Variants in SORCS2 observed in about 807,000 individuals in gnomAD.
The protein encoded by SORCS2 is sortilin related VPS10 domain containing receptor 2, also known as VPS10 domain-containing receptor SorCS2.
In SORCS2, 100 loss-of-function variants were observed where a neutral mutation model predicts 141.6. That is an observed-to-expected ratio of 0.71 (90% CI 0.60 to 0.83). The LOEUF is 0.83. Ranked by LOEUF, SORCS2 falls within the 40% of genes least tolerant of loss-of-function variation. The probability of loss-of-function intolerance (pLI) is 0.00; values close to 1 mark genes in which losing one functional copy is unlikely to be tolerated. For missense variants in SORCS2, 1,646 were observed against 1,560.2 expected (o/e 1.05, Z -0.93); for synonymous variants, 789 against 676.9 (o/e 1.17, Z -2.57).
At chr4:7,528,948 A>T (rs1408340662) in intron 2 of SORCS2, among the ~76,000 whole-genome samples, 1 of 151,728 alleles carries the variant, frequency 6.6e-6, no homozygotes, top group African/African-American at 2.4e-5. Flanking sequence ...ACATCACCTC[A>T]CTTTGCCTCT....
In SORCS2 at chr4:7,285,043, T is replaced by A. The variant is rs1234172981; in HGVS notation, c.480+91917T>A. ...TCCCATATATATATATATATTTTTT[T>A]TTTTTTGAGATGGAGTTTCACTCTT... On this transcript the variant is annotated intron_variant, in intron 1 of 26. Transcript: ENST00000507866. 2.0e-3 allele frequency among the ~76,000 whole-genome samples: 305 copies of A among 151,142 alleles called. 1 individual carries two copies. The highest frequency in any genetic ancestry group is 3.3e-3 in the Non-Finnish European group (222 of 67,652).
chr4:7,690,750 T>C (rs1724191432), intron 11 of SORCS2, among the ~76,000 whole-genome samples: 1 of 152,166 alleles, frequency 6.6e-6, no homozygotes, highest in African/African-American at 2.4e-5. Context: ...ATGATTTATA[T>C]CATGGTTGAT....
rs542509946 is a variant in SORCS2 at position 7,427,000 on chromosome 4, C to A, written c.548+30645C>A. 7.2e-5 allele frequency among the ~76,000 whole-genome samples: 11 copies of A among 152,246 alleles called. No individual in the cohort carries two copies. The South Asian group carries it at 2.3e-3, about 32-fold the overall frequency. ...GCCATGGAGGCTGGGCCCCTCCCAC[C>A]AAGGAAGGGCTTAGTGGTGGGGGGC... On this transcript the variant is annotated intron_variant, in intron 2 of 26. Coordinates refer to ENST00000507866, the MANE Select transcript of SORCS2 (RefSeq NM_020777.3).
chr4:7,724,941 ATGG>A (rs1727086823), intron 19 of SORCS2, among the ~76,000 whole-genome samples: 2 of 63,938 alleles, frequency 3.1e-5, no homozygotes, highest in African/African-American at 6.0e-5. Flanking sequence ...AGTAGTGGTG[ATGG>A]TGGTGGTGTT....
intron 3 of SORCS2, among the ~76,000 whole-genome samples, chr4:7,577,678 T>C (rs1408634928): frequency 1.0e-3 from 107 of 104,254 alleles, no homozygotes; most frequent in Non-Finnish European, 1.7e-3. Flanking sequence ...AGCATACAGG[T>C]GAGGTCAGCT....
intron 2 of SORCS2, among the ~76,000 whole-genome samples, chr4:7,421,728 C>T (rs1377185947): frequency 6.6e-6 from 1 of 152,158 alleles, no homozygotes; most frequent in East Asian, 1.9e-4. Flanking sequence ...CCCCCGCTGG[C>T]TCTGTGGGAC....
intron 4 of SORCS2, among the ~76,000 whole-genome samples, 196 bp from the exon 5 acceptor site, chr4:7,653,938 G>T (rs988345570): frequency 6.6e-6 from 1 of 152,188 alleles, no homozygotes; most frequent in Non-Finnish European, 1.5e-5. Context: ...CAGCTGGCCC[G>T]GGGACAGGAA....
At chr4:7,491,623 A>G (rs1731319720) in intron 2 of SORCS2, among the ~76,000 whole-genome samples, 1 of 152,214 alleles carries the variant, frequency 6.6e-6, no homozygotes, top group Non-Finnish European at 1.5e-5. Context: ...GACCTCTCTG[A>G]GCTTCTGTGA....
chr4:7,695,272 GTGGATGGATGGATGGATGGT>G (rs1724525824), intron 11 of SORCS2, among the ~76,000 whole-genome samples: 2 of 121,630 alleles, frequency 1.6e-5, no homozygotes, highest in East Asian at 2.6e-4. Context: ...GGATGGGTGG[GTGGATGGATGGATGGATGGT>G]TGGATGGGTG....
At chr4:7,652,811 T>C (rs113778126) in intron 4 of SORCS2, among the ~76,000 whole-genome samples, 29 of 152,270 alleles carry the variant, frequency 1.9e-4, no homozygotes, top group African/African-American at 6.5e-4. Flanking sequence ...CCTCATCTTA[T>C]CCGGCCTTGG....
intron 3 of SORCS2, among the ~76,000 whole-genome samples, chr4:7,633,568 A>G (rs1720035325): frequency 7.3e-6 from 1 of 137,024 alleles, no homozygotes; most frequent in Non-Finnish European, 1.5e-5. Flanking sequence ...GTGGTTTTGC[A>G]ATGTGAAAGA....
chr4:7,434,182 A>G (rs1476788554), intron 2 of SORCS2: 2 of 1,613,768 alleles, frequency 1.2e-6, no homozygotes, highest in African/African-American at 2.7e-5. Context: ...GTCAGCAGGG[A>G]CAAAAAACTG....
Position 7,740,586 on chromosome 4 carries a change from G to A in SORCS2, c.*322G>A, listed in dbSNP as rs1292692473. ...GCCCGAGGCCTGACTTCTCTGGGCT[G>A]AGGCTGGTCGTCCTGGAGCCCTCCC... On this transcript the variant is annotated 3_prime_UTR_variant, in exon 27 of 27. Coordinates refer to ENST00000507866, the MANE Select transcript of SORCS2 (RefSeq NM_020777.3). 2 of 410,616 alleles carry A rather than the reference G, an allele frequency of 4.9e-6. No homozygotes were observed. Among genetic ancestry groups the A allele is most frequent in the African/African-American group, 3.9e-5 (2 of 50,668 alleles). The allele number at this position is 410,616 out of a possible 1,614,324, so 25.4% of individuals were successfully genotyped here. A position where few individuals can be genotyped will look rare whatever the true frequency, so the allele number is the denominator to read the frequency against.
chr4:7,631,816 G>T (rs879369509), intron 3 of SORCS2, among the ~76,000 whole-genome samples: 6 of 151,956 alleles, frequency 3.9e-5, no homozygotes, highest in African/African-American at 1.4e-4. Flanking sequence ...GAAATCCATC[G>T]TGAAAGCCCT....
intron 1 of SORCS2, among the ~76,000 whole-genome samples, chr4:7,198,642 G>GGA (rs1727306577): frequency 6.6e-6 from 1 of 152,150 alleles, no homozygotes; most frequent in Non-Finnish European, 1.5e-5. Context: ...GCGGCCACCT[G>GGA]GAGAGAGACA....
intron 26 of SORCS2, among the ~76,000 whole-genome samples, chr4:7,737,942 C>T (rs1712328239): frequency 1.3e-5 from 2 of 152,232 alleles, no homozygotes; most frequent in African/African-American, 2.4e-5. Context: ...GACACCTGCA[C>T]ATGGTCTCGC....
At chr4:7,724,581 G>A (rs1478078239) in intron 19 of SORCS2, among the ~76,000 whole-genome samples, 4 of 113,352 alleles carry the variant, frequency 3.5e-5, no homozygotes, top group African/African-American at 1.1e-4. Context: ...TGATGGTGAT[G>A]GTGGTGGTGT....
intron 1 of SORCS2, among the ~76,000 whole-genome samples, chr4:7,289,834 C>T (rs554537675): frequency 1.3e-5 from 2 of 152,178 alleles, no homozygotes; most frequent in African/African-American, 4.8e-5. Flanking sequence ...TGCGGCCCTT[C>T]CTCCCGAGAC....
chr4:7,293,285 A>G (rs778239050), intron 1 of SORCS2, among the ~76,000 whole-genome samples: 2 of 151,556 alleles, frequency 1.3e-5, no homozygotes, highest in Non-Finnish European at 2.9e-5. Flanking sequence ...GCCTGGGCGA[A>G]AGAGCAAGAC....
Sources: gnomAD v4.1 joint callset for allele counts (sites outside exome capture counted in the v4.1 genomes callset) on GRCh38, gnomAD v4.1.1 for gene constraint, MANE v1.5 for transcripts, NCBI Gene and HGNC (gene_info 2026-07-23, HGNC 2026-07-21) for gene names.